BCAS1: variants seen among roughly 807,000 people sequenced by gnomAD.
BCAS1 encodes breast carcinoma-amplified sequence 1.
Under a neutral mutation model 65.4 loss-of-function variants are expected in BCAS1, and 46 were observed. That is an observed-to-expected ratio of 0.70 (90% confidence interval 0.55 to 0.90). BCAS1 has a LOEUF of 0.90. Among genes scored for constraint, BCAS1 ranks in the 40% least tolerant of loss-of-function variants. BCAS1 has a pLI of 0.00. For synonymous variants in BCAS1, 298 were observed against 293.5 expected, an observed-to-expected ratio of 1.02 and a Z score of -0.16; for missense variants, 793 against 771.2, an observed-to-expected ratio of 1.03 and a Z score of -0.33.
At chr20:54,058,184 A>G in intron 2 of BCAS1, 30 bp from the exon 3 acceptor site, 1 of 1,602,782 alleles carries the variant, frequency 6.2e-7, no homozygotes, top group African/African-American at 1.3e-5. Flanking sequence ...ATTGTGAGAC[A>G]AATCTTCGGG....
chr20:54,067,167 G>A (rs994435108), intron 1 of BCAS1, among the ~76,000 whole-genome samples: 10 of 152,188 alleles, frequency 6.6e-5, no homozygotes, highest in Non-Finnish European at 1.3e-4. Context: ...TTGAGGTCAG[G>A]TGTTTGAGAC....
In BCAS1 at chr20:54,070,425, G is replaced by A. The variant is rs2092501871; in HGVS notation, c.-6+8C>T. 1 of 152,542 alleles carries A rather than the reference G, an allele frequency of 6.6e-6. No individual in the cohort carries two copies. Among genetic ancestry groups the A allele is most frequent in the African/African-American group, 2.4e-5 (1 of 41,456 alleles). 9.4% of individuals were successfully genotyped at this position (152,542 alleles called of 1,614,324 possible). A position where few individuals can be genotyped will look rare whatever the true frequency, so the allele number is the denominator to read the frequency against. On this transcript the variant is annotated splice_region_variant and intron_variant, in intron 1 of 12. Coordinates refer to ENST00000688948, the MANE Select transcript of BCAS1 (RefSeq NM_001366298.2). ...CCAGCCATGCCTAAAGGATCTGAAA[G>A]CAGTTACCTGCTGAGCCCCTGTGGG...
chr20:53,950,820 C>A (rs1162891624), intron 12 of BCAS1, among the ~76,000 whole-genome samples: 1 of 152,160 alleles, frequency 6.6e-6, no homozygotes, highest in Non-Finnish European at 1.5e-5. Flanking sequence ...TCAACCCAAC[C>A]AGTCAACCCT....
At chr20:53,967,267 T>C (rs964194441) in intron 9 of BCAS1, among the ~76,000 whole-genome samples, 194 bp from the exon 10 acceptor site, 1 of 152,188 alleles carries the variant, frequency 6.6e-6, no homozygotes, top group African/African-American at 2.4e-5. Context: ...CAAGCTCAAC[T>C]GCCACATTGA....
chr20:54,003,470 G>C (rs1365701199), intron 4 of BCAS1, among the ~76,000 whole-genome samples: 1 of 152,138 alleles, frequency 6.6e-6, no homozygotes, highest in Non-Finnish European at 1.5e-5. Context: ...CATGGACTCT[G>C]TCCCCTTCTC....
chr20:53,969,640 G>A (rs140501968), intron 9 of BCAS1, among the ~76,000 whole-genome samples: 1 of 152,136 alleles, frequency 6.6e-6, no homozygotes, highest in Non-Finnish European at 1.5e-5. Flanking sequence ...GGGGTTGGTT[G>A]AGTGGCTCCA....
At chr20:54,039,061 A>AAG (rs2091946506) in intron 3 of BCAS1, among the ~76,000 whole-genome samples, 1 of 151,472 alleles carries the variant, frequency 6.6e-6, no homozygotes, top group Non-Finnish European at 1.5e-5. Flanking sequence ...AAACTTTATG[A>AAG]AGACCTCAAA....
chr20:54,039,114 T>C (rs1250014189), intron 3 of BCAS1, among the ~76,000 whole-genome samples: 4 of 151,290 alleles, frequency 2.6e-5, no homozygotes, highest in Admixed American at 2.0e-4. Flanking sequence ...GCTGCAAGAG[T>C]CAAATGACAC....
At chr20:54,019,611 C>T (rs1055787344) in intron 4 of BCAS1, among the ~76,000 whole-genome samples, 6 of 152,006 alleles carry the variant, frequency 3.9e-5, no homozygotes, top group Admixed American at 6.6e-5. Flanking sequence ...TTTGAGTCAG[C>T]GGACTGGGAG....
intron 11 of BCAS1, among the ~76,000 whole-genome samples, chr20:53,954,293 T>G: frequency 3.4e-5 from 2 of 59,288 alleles, no homozygotes; most frequent in African/African-American, 1.3e-4. Flanking sequence ...AGCTGAGAAA[T>G]GGAGAGAGAG....
intron 7 of BCAS1, among the ~76,000 whole-genome samples, chr20:53,985,840 G>A (rs1332118725): frequency 6.6e-6 from 1 of 152,126 alleles, no homozygotes; most frequent in Non-Finnish European, 1.5e-5. Context: ...TTTCAATCAA[G>A]TTCCCATCAG....
chr20:54,046,528 C>CA (rs71196442), intron 3 of BCAS1, among the ~76,000 whole-genome samples: 2,856 of 53,968 alleles, frequency 0.053, 106 homozygotes, highest in African/African-American at 0.068. Context: ...GACTCCATCT[C>CA]AAAAAAAAAA....
Position 54,028,827 on chromosome 20 carries a change from G to GA in BCAS1, c.287dup (p.Met98AspfsTer25). ...CTGGTACAGGCCGAGAGAGCATCAA[G>GA]AAAAAACGAGATTTAGCAGCTGGTG... is the stretch of plus-strand genomic sequence containing the variant. On this transcript the variant is annotated frameshift_variant, in exon 4 of 13. Coordinates refer to ENST00000688948, the MANE Select transcript of BCAS1 (RefSeq NM_001366298.2). LOFTEE classifies it high-confidence loss of function. The GA allele has an allele frequency of 1.2e-6, 2 of 1,614,078 alleles. No individual in the cohort carries two copies. The highest frequency in any genetic ancestry group is 1.7e-6 in the Non-Finnish European group (2 of 1,180,020).
chr20:54,028,473 T>C lies in BCAS1; in HGVS notation c.642A>G (p.Glu214=), dbSNP rs754825178. 1.9e-6 allele frequency: 3 copies of C among 1,614,088 alleles called. No individual in the cohort carries two copies. The highest frequency in any genetic ancestry group is 8.5e-7 in the Non-Finnish European group (1 of 1,180,034). ...TGTCTTGATGCTCTGCCCTCTTGGC[T>C]TCCTGTTGGCTGTCACCTGGCACCT... ...QEKVPGDSQQ[E]AKRAEHQDKV... Residue 214 remains glutamate, a synonymous_variant, in exon 4 of 13, where the codon GAA becomes GAG. Transcript: ENST00000688948.
intron 4 of BCAS1, among the ~76,000 whole-genome samples, chr20:53,996,429 C>G (rs2090912463): frequency 6.8e-6 from 1 of 147,252 alleles, no homozygotes; most frequent in African/African-American, 2.5e-5. Flanking sequence ...ATGGCGTTTC[C>G]CACAATTTCC....
At chr20:53,971,217 A>C (rs2090170808) in intron 9 of BCAS1, among the ~76,000 whole-genome samples, 1 of 152,216 alleles carries the variant, frequency 6.6e-6, no homozygotes. Flanking sequence ...TAGAAATGAC[A>C]TATACCATGC....
chr20:53,988,837 A>T (rs1042240671), intron 7 of BCAS1, among the ~76,000 whole-genome samples: 10 of 152,160 alleles, frequency 6.6e-5, no homozygotes, highest in Middle Eastern at 3.2e-3. Context: ...TACACTAATG[A>T]GGGGGCAGAG....
intron 4 of BCAS1, among the ~76,000 whole-genome samples, chr20:54,024,916 T>C (rs1337240703): frequency 6.6e-6 from 1 of 152,124 alleles, no homozygotes; most frequent in East Asian, 1.9e-4. Context: ...CACAGAATAT[T>C]GTTCTTATTA....
rs537737412 is a variant in BCAS1 at position 54,038,471 on chromosome 20, A to G, written c.143-9499T>C. Among the ~76,000 whole-genome samples the G allele has an allele frequency of 7.9e-5, 12 of 151,314 alleles. 1 individual carries two copies. Among genetic ancestry groups the G allele is most frequent in the Non-Finnish European group, 1.8e-4 (12 of 67,626 alleles). On this transcript the variant is annotated intron_variant, in intron 3 of 12. Transcript: ENST00000688948. ...AGACACTAGGATTAAGCCAGGAAAC[A>G]TGGGTGAAGCAGCAAGCACAGAGCT...
Sources: gnomAD v4.1 joint callset for allele counts (sites outside exome capture counted in the v4.1 genomes callset) on GRCh38, gnomAD v4.1.1 for gene constraint, MANE v1.5 for transcripts, NCBI Gene and HGNC (gene_info 2026-07-23, HGNC 2026-07-21) for gene names.